C5orf22: variants seen among roughly 807,000 people sequenced by gnomAD.
C5orf22 encodes chromosome 5 open reading frame 22, also known as UPF0489 protein C5orf22.
In C5orf22, 36 loss-of-function variants were observed where a neutral mutation model predicts 48.7. That is an observed-to-expected ratio of 0.74 (90% CI 0.57 to 0.98). C5orf22 has a LOEUF of 0.98. Among genes scored for constraint, C5orf22 ranks in the 50% least tolerant of loss-of-function variants. The pLI is 0.00. For synonymous variants in C5orf22, 141 were observed against 180.8 expected (o/e 0.78, Z 1.76); for missense variants, 486 against 521.9 (o/e 0.93, Z 0.67).
rs1178130005 is a variant in C5orf22 at position 31,538,628 on chromosome 5, T to C, written c.746T>C (p.Val249Ala). The C allele has an allele frequency of 2.5e-6, 4 of 1,613,868 alleles. No individual in the cohort carries two copies. The highest frequency in any genetic ancestry group is 3.4e-6 in the Non-Finnish European group (4 of 1,179,940). Residue 249 changes from valine (V) to alanine (A), a missense_variant, in exon 4 of 9, where the codon GTT (valine) becomes GCT (alanine). This residue lies in a region of C5orf22 where 408 missense variants were observed against 444.0 expected (regional missense o/e 0.92). Transcript: ENST00000325366. ...LEILKKGKAF[V>A]LDIDLDFFSV... is the part of the protein sequence containing the mutation. ...ATTTTGAAGAAAGGGAAGGCATTTGTTTTAGATATTGACTTGGATTTTTTT... is the reference window on the plus strand; with the variant it reads ...ATTTTGAAGAAAGGGAAGGCATTTGCTTTAGATATTGACTTGGATTTTTTT...
At chr5:31,544,090 C>G (rs917797401) in intron 6 of C5orf22, among the ~76,000 whole-genome samples, 2 of 152,088 alleles carry the variant, frequency 1.3e-5, no homozygotes, top group African/African-American at 4.8e-5. Flanking sequence ...TGTTTAGGGT[C>G]CAGAAGCCTA....
At position 31,554,148 on chromosome 5, in the gene C5orf22, T is replaced by C. The variant is rs1337868478; in HGVS notation, c.*1246T>C. 6.6e-6 allele frequency: 1 copy of C among 152,234 alleles called. No homozygotes were observed. The highest frequency in any genetic ancestry group is 1.5e-5 in the Non-Finnish European group (1 of 68,034). 9.4% of individuals were successfully genotyped at this position (152,234 alleles called of 1,614,324 possible). ...AGTTCAGTAATTTTTACCTACCTACTTGATTTATTTTCCTTTAAAAGGTGA... is the reference window on the plus strand; with the variant it reads ...AGTTCAGTAATTTTTACCTACCTACCTGATTTATTTTCCTTTAAAAGGTGA... On this transcript the variant is annotated 3_prime_UTR_variant, in exon 9 of 9. Coordinates refer to ENST00000325366, the MANE Select transcript of C5orf22 (RefSeq NM_018356.3).
Position 31,553,621 on chromosome 5 carries a change from A to T in C5orf22, c.*719A>T, listed in dbSNP as rs1404220274. 4 of 152,096 alleles carry T rather than the reference A, an allele frequency of 2.6e-5. No homozygotes were observed. The highest frequency in any genetic ancestry group is 5.9e-5 in the Non-Finnish European group (4 of 68,012). The allele number at this position is 152,096 out of a possible 1,614,324, so 9.4% of individuals were successfully genotyped here. ...CCCCAGCCAGAAACTAACATTCTCA[A>T]AAGCTACTACCAAAAAAACCCCACA... is the stretch of plus-strand genomic sequence containing the variant. On this transcript the variant is annotated 3_prime_UTR_variant, in exon 9 of 9. Coordinates refer to ENST00000325366, the MANE Select transcript of C5orf22 (RefSeq NM_018356.3).
At chr5:31,534,492 A>C (rs774052435) in intron 2 of C5orf22, 75 bp downstream of exon 2, 91 of 1,352,722 alleles carry the variant, frequency 6.7e-5, no homozygotes, top group Non-Finnish European at 8.5e-5. Context: ...ATTATAGGAA[A>C]TAGACTTTGC....
chr5:31,532,937 C>G (rs1184986639), intron 1 of C5orf22, among the ~76,000 whole-genome samples: 1 of 152,034 alleles, frequency 6.6e-6, no homozygotes, highest in Non-Finnish European at 1.5e-5. Flanking sequence ...TTATTGTGTG[C>G]ATACTGTGTT....
intron 6 of C5orf22, 83 bp from the exon 7 acceptor site, chr5:31,545,563 T>C: frequency 1.1e-6 from 1 of 902,906 alleles, no homozygotes; most frequent in Admixed American, 1.8e-5. Flanking sequence ...TTATGGTAAA[T>C]GTTAGTATAA....
intron 6 of C5orf22, among the ~76,000 whole-genome samples, chr5:31,543,735 C>A (rs1742616574): frequency 6.6e-6 from 1 of 152,074 alleles, no homozygotes; most frequent in East Asian, 1.9e-4. Flanking sequence ...TTTGTTATTT[C>A]ATGAAGTCTC....
intron 3 of C5orf22, among the ~76,000 whole-genome samples, chr5:31,537,216 C>T (rs1021020735): frequency 7.9e-5 from 12 of 152,136 alleles, no homozygotes; most frequent in African/African-American, 2.7e-4. Context: ...TGAAACTCCA[C>T]GTGTGATTAA....
intron 7 of C5orf22, 31 bp downstream of exon 7, chr5:31,545,743 A>G: frequency 7.0e-7 from 1 of 1,429,988 alleles, no homozygotes; most frequent in Middle Eastern, 1.8e-4. Context: ...TGTAAAATTG[A>G]CCCTTTGTAA....
intron 4 of C5orf22, among the ~76,000 whole-genome samples, chr5:31,540,623 T>G (rs1742394326): frequency 6.6e-6 from 1 of 152,238 alleles, no homozygotes; most frequent in Non-Finnish European, 1.5e-5. Context: ...CAGAATATTA[T>G]TTAAAATATT....
chr5:31,534,157 C>T, intron 1 of C5orf22, 115 bp from the exon 2 acceptor site: 1 of 900,296 alleles, frequency 1.1e-6, no homozygotes, highest in South Asian at 1.7e-5. Flanking sequence ...CACTTTACAG[C>T]AACATAGTAT....
chr5:31,549,337 T>C (rs1050310908), intron 7 of C5orf22, among the ~76,000 whole-genome samples: 4 of 152,182 alleles, frequency 2.6e-5, no homozygotes, highest in Non-Finnish European at 5.9e-5. Flanking sequence ...CCATGACACA[T>C]GGAAATTGTG....
chr5:31,551,486 C>T (rs1369958106), intron 8 of C5orf22, 54 bp downstream of exon 8: 4 of 1,367,976 alleles, frequency 2.9e-6, no homozygotes, highest in Non-Finnish European at 4.1e-6. Flanking sequence ...ATCCTAATCT[C>T]TGGAACCTGT....
chr5:31,537,308 G>A (rs1269637132), intron 3 of C5orf22, among the ~76,000 whole-genome samples: 1 of 152,218 alleles, frequency 6.6e-6, no homozygotes, highest in Non-Finnish European at 1.5e-5. Context: ...ACATGTTGGT[G>A]TGCAGTTTGA....
At chr5:31,539,253 A>G (rs1405355290) in intron 4 of C5orf22, among the ~76,000 whole-genome samples, 1 of 152,236 alleles carries the variant, frequency 6.6e-6, no homozygotes, top group Non-Finnish European at 1.5e-5. Flanking sequence ...TTATATGCAA[A>G]TACTACACTA....
chr5:31,545,559 TA>T (rs1197628019), intron 6 of C5orf22, 86 bp from the exon 7 acceptor site: 1 of 876,828 alleles, frequency 1.1e-6, no homozygotes, highest in Non-Finnish European at 1.9e-6. Flanking sequence ...GTTATTATGG[TA>T]AATGTTAGTA....
rs190107368 is a variant in C5orf22 at position 31,550,853 on chromosome 5, C to T, written c.1060-440C>T. 4.0e-3 allele frequency among the ~76,000 whole-genome samples: 605 copies of T among 152,284 alleles called. 3 individuals are homozygous for T. The highest frequency in any genetic ancestry group is 0.014 in the African/African-American group (573 of 41,560). On this transcript the variant is annotated intron_variant, in intron 7 of 8. Coordinates refer to ENST00000325366, the MANE Select transcript of C5orf22 (RefSeq NM_018356.3). ...CTGGGATTACAGGCATGAGCTACCA[C>T]GCCTGGCCTCAACTTTTTAGAATCT...
chr5:31,551,344 A>G lies in C5orf22; in HGVS notation c.1111A>G (p.Ser371Gly). Reference protein sequence around the residue: ...CDYSELPHHISTEQEIECLIQ... With the variant: ...CDYSELPHHIGTEQEIECLIQ... ...TTATTCAGAACTTCCTCACCATATCAGCACAGAACAAGAAATAGAGTGTCT... is the reference window on the plus strand; with the variant it reads ...TTATTCAGAACTTCCTCACCATATCGGCACAGAACAAGAAATAGAGTGTCT... The change falls in exon 8 of 9, where the codon AGC becomes GGC. Residue 371 changes from serine to glycine, a missense_variant. By Grantham distance (56) the Ser-to-Gly change is moderately conservative. Around this residue, in one of 3 missense-constraint regions of C5orf22, gnomAD observed 408 missense variants for 444.0 expected, o/e 0.92. Coordinates refer to ENST00000325366, the MANE Select transcript of C5orf22 (RefSeq NM_018356.3). 3.1e-6 allele frequency: 5 copies of G among 1,613,618 alleles called. No homozygotes were observed. Among genetic ancestry groups the G allele is most frequent in the Non-Finnish European group, 4.2e-6 (5 of 1,179,732 alleles).
intron 1 of C5orf22, 41 bp downstream of exon 1, chr5:31,532,514 A>G: frequency 6.4e-7 from 1 of 1,562,428 alleles, no homozygotes; most frequent in Non-Finnish European, 8.8e-7. Flanking sequence ...GAATCAGCGG[A>G]AGCCCTGACG....
Sources: gnomAD v4.1 joint callset for allele counts (sites outside exome capture counted in the v4.1 genomes callset) on GRCh38, gnomAD v4.1.1 for gene constraint, gnomAD v4.1.1 regional missense constraint, MANE v1.5 for transcripts, NCBI Gene and HGNC (gene_info 2026-07-23, HGNC 2026-07-21) for gene names.